Variants in CNBD1 observed in about 807,000 individuals in gnomAD.
The protein encoded by CNBD1 is cyclic nucleotide binding domain containing 1.
CNBD1 carries 71 observed loss-of-function variants against 54.4 expected under a neutral mutation model. That is an observed-to-expected ratio of 1.30 (90% CI 1.08 to 1.59). CNBD1 has a LOEUF of 1.59. CNBD1 is among the 40% of genes most tolerant of loss of function. The pLI is 0.00. For missense variants in CNBD1, 659 were observed against 518.0 expected (o/e 1.27, Z -2.64); for synonymous variants, 182 against 170.7 (o/e 1.07, Z -0.51).
At chr8:87,042,081 A>C (rs1022534926) in intron 4 of CNBD1, among the ~76,000 whole-genome samples, 1 of 152,204 alleles carries the variant, frequency 6.6e-6, no homozygotes, top group East Asian at 1.9e-4. Context: ...TTTGGGGCCT[A>C]TGCAAAAGAG....
chr8:87,150,112 G>C (rs887234037), intron 4 of CNBD1, among the ~76,000 whole-genome samples: 1 of 152,266 alleles, frequency 6.6e-6, no homozygotes, highest in African/African-American at 2.4e-5. Context: ...GGGAGGCGGA[G>C]CTTGCAGTGA....
intron 4 of CNBD1, among the ~76,000 whole-genome samples, chr8:87,039,727 G>A (rs780152677): frequency 6.6e-6 from 1 of 152,154 alleles, no homozygotes; most frequent in Non-Finnish European, 1.5e-5. Flanking sequence ...GAGAATTTGG[G>A]GATTGACATT....
At chr8:87,189,845 AAGTC>A (rs1221125815) in intron 4 of CNBD1, among the ~76,000 whole-genome samples, 1 of 152,210 alleles carries the variant, frequency 6.6e-6, no homozygotes, top group Non-Finnish European at 1.5e-5. Flanking sequence ...TTCAAATGGA[AAGTC>A]AGACAGAAGG....
chr8:87,229,812 C>A (rs75502488), intron 5 of CNBD1, among the ~76,000 whole-genome samples: 8,060 of 152,088 alleles, frequency 0.053, 697 homozygotes, highest in African/African-American at 0.17. Context: ...TTTCAAATTT[C>A]TTCTCAAATA....
chr8:87,384,918 T>A (rs548514244), downstream of CNBD1, among the ~76,000 whole-genome samples: 1 of 152,054 alleles, frequency 6.6e-6, no homozygotes, highest in East Asian at 1.9e-4. Context: ...GGAATCAGAG[T>A]AATAGCAGGG....
intron 2 of CNBD1, among the ~76,000 whole-genome samples, chr8:87,427,472 A>G (rs561994192): frequency 6.6e-6 from 1 of 152,300 alleles, no homozygotes; most frequent in South Asian, 2.1e-4. Flanking sequence ...CCTTAAAAGT[A>G]TTAGCGCTTT....
At chr8:87,189,745 C>G (rs374740333) in intron 4 of CNBD1, among the ~76,000 whole-genome samples, 25 of 152,280 alleles carry the variant, frequency 1.6e-4, no homozygotes, top group African/African-American at 5.8e-4. Context: ...TCTGGAAAAA[C>G]TGATAATGAT....
intron 4 of CNBD1, among the ~76,000 whole-genome samples, chr8:87,028,497 G>A (rs1024808449): frequency 2.0e-5 from 3 of 152,188 alleles, no homozygotes; most frequent in Non-Finnish European, 4.4e-5. Flanking sequence ...CAATCACTGA[G>A]ACAATAAGTA....
chr8:87,174,037 C>T (rs950886975), intron 4 of CNBD1, among the ~76,000 whole-genome samples: 2 of 152,066 alleles, frequency 1.3e-5, no homozygotes, highest in Non-Finnish European at 2.9e-5. Context: ...CGGCTCACTG[C>T]AACCTCCACC....
intron 2 of CNBD1, among the ~76,000 whole-genome samples, chr8:87,390,020 G>T (rs1180443693): frequency 1.3e-5 from 2 of 151,160 alleles, no homozygotes; most frequent in Non-Finnish European, 3.0e-5. Context: ...TTTAATAAAT[G>T]GTGCTGGGAA....
chr8:87,152,535 T>G (rs1156970574), intron 4 of CNBD1, among the ~76,000 whole-genome samples: 1 of 151,792 alleles, frequency 6.6e-6, no homozygotes, highest in Non-Finnish European at 1.5e-5. Flanking sequence ...CTGGGCTGCA[T>G]GTGGCCCACA....
chr8:86,949,966 T>TTTTG (rs1563833563), intron 4 of CNBD1, among the ~76,000 whole-genome samples: 7 of 127,760 alleles, frequency 5.5e-5, no homozygotes, highest in Non-Finnish European at 8.3e-5. Context: ...TTTTTTTTTT[T>TTTTG]TTTTTTTTGA....
At chr8:87,320,060 T>A (rs1302373580) in intron 8 of CNBD1, among the ~76,000 whole-genome samples, 1 of 152,090 alleles carries the variant, frequency 6.6e-6, no homozygotes, top group Non-Finnish European at 1.5e-5. Flanking sequence ...CTTCACACCA[T>A]CTGAACAAAA....
At chr8:87,335,908 G>C (rs1171293004) in intron 8 of CNBD1, among the ~76,000 whole-genome samples, 1 of 152,102 alleles carries the variant, frequency 6.6e-6, no homozygotes, top group East Asian at 1.9e-4. Context: ...TGGTGGTGAT[G>C]AATTCCCTCA....
In CNBD1 at chr8:87,205,055, C is replaced by A. The variant is rs16897484; in HGVS notation, c.432-938C>A. On this transcript the variant is annotated intron_variant, in intron 4 of 10. Coordinates refer to ENST00000518476, the MANE Select transcript of CNBD1 (RefSeq NM_173538.3). Reference sequence around the variant, plus strand: ...AAACCTGTATGCATACACATGGATACCAGATGGGCCAACACTATGTCATAT... The same window carrying A: ...AAACCTGTATGCATACACATGGATAACAGATGGGCCAACACTATGTCATAT... Among the ~76,000 whole-genome samples, 1,429 of 151,984 alleles carry A rather than the reference C, an allele frequency of 9.4e-3. 27 individuals are homozygous for A. The highest frequency in any genetic ancestry group is 0.033 in the African/African-American group (1,354 of 41,406).
intron 4 of CNBD1, among the ~76,000 whole-genome samples, chr8:87,102,020 C>A (rs1184732296): frequency 1.3e-5 from 2 of 151,690 alleles, no homozygotes; most frequent in East Asian, 3.9e-4. Flanking sequence ...TCTTGAGTAG[C>A]TGGGATTATA....
chr8:87,033,921 T>C (rs1809850215), intron 4 of CNBD1, among the ~76,000 whole-genome samples: 2 of 152,208 alleles, frequency 1.3e-5, no homozygotes, highest in Non-Finnish European at 2.9e-5. Flanking sequence ...GGTTGTCACA[T>C]AATGACTTAG....
At chr8:87,377,824 G>T (rs1267469144) in intron 10 of CNBD1, among the ~76,000 whole-genome samples, 5 of 150,022 alleles carry the variant, frequency 3.3e-5, no homozygotes, top group Admixed American at 6.7e-5. Context: ...GTTGTTTCCT[G>T]ACTTTTTAAT....
At chr8:87,119,173 G>T (rs910500064) in intron 4 of CNBD1, among the ~76,000 whole-genome samples, 1 of 151,994 alleles carries the variant, frequency 6.6e-6, no homozygotes, top group Non-Finnish European at 1.5e-5. Flanking sequence ...CAAATCTGTA[G>T]ATTTCTTTGA....
Sources: allele counts gnomAD v4.1 joint callset (sites outside exome capture counted in the v4.1 genomes callset), GRCh38; gene constraint gnomAD v4.1.1; transcripts MANE v1.5; gene names NCBI Gene and HGNC (gene_info 2026-07-23, HGNC 2026-07-21).